ADK: variants seen among roughly 807,000 people sequenced by gnomAD.
ADK encodes adenosine kinase.
In ADK, 24 loss-of-function variants were observed where a neutral mutation model predicts 44.7. That is an observed-to-expected ratio of 0.54 (90% CI 0.39 to 0.76). The LOEUF (loss-of-function observed/expected upper bound fraction) is 0.76, where lower values mean the gene tolerates loss of function less well. ADK is among the 30% of genes least tolerant of loss of function. ADK has a pLI of 0.00. For missense variants in ADK, 321 were observed against 425.1 expected (o/e 0.76, Z 2.15); for synonymous variants, 128 against 142.6 (o/e 0.90, Z 0.73).
intron 4 of ADK, among the ~76,000 whole-genome samples, chr10:74,391,312 A>G (rs1843319833): frequency 6.6e-6 from 1 of 152,108 alleles, no homozygotes. Flanking sequence ...AATTAAAATT[A>G]AATTTTATTA....
At chr10:74,706,328 T>C (rs1323482770) in intron 10 of ADK, among the ~76,000 whole-genome samples, 1 of 152,218 alleles carries the variant, frequency 6.6e-6, no homozygotes, top group Non-Finnish European at 1.5e-5. Context: ...TTTTACCTCT[T>C]ACTAAGTGAT....
intron 6 of ADK, among the ~76,000 whole-genome samples, chr10:74,440,954 C>G (rs1845385676): frequency 6.6e-6 from 1 of 152,082 alleles, no homozygotes; most frequent in Admixed American, 6.6e-5. Flanking sequence ...AGTGAACTAC[C>G]CATCTTCTAG....
intron 7 of ADK, 126 bp from the exon 8 acceptor site, chr10:74,589,156 A>G (rs2133920835): frequency 3.7e-6 from 3 of 801,062 alleles, no homozygotes; most frequent in East Asian, 5.3e-5. Context: ...AAGAATAAAA[A>G]TTGAACTATG....
chr10:74,359,025 C>T (rs1443861359), intron 4 of ADK, among the ~76,000 whole-genome samples: 2 of 152,014 alleles, frequency 1.3e-5, no homozygotes, highest in African/African-American at 2.4e-5. Flanking sequence ...AACCTTGACT[C>T]CTGGCTTCAA....
chr10:74,675,442 G>A (rs1855353613), intron 10 of ADK, among the ~76,000 whole-genome samples: 1 of 152,140 alleles, frequency 6.6e-6, no homozygotes, highest in South Asian at 2.1e-4. Flanking sequence ...GTTCTATTTG[G>A]AGGTCTTAAG....
At chr10:74,472,755 T>G (rs9664464) in intron 6 of ADK, among the ~76,000 whole-genome samples, 92,141 of 151,594 alleles carry the variant, frequency 0.61, 30,343 homozygotes, top group Middle Eastern at 0.77. Context: ...TATTGGATAG[T>G]GAAAAGGAAC....
At chr10:74,629,400 A>G (rs778249246) in intron 9 of ADK, among the ~76,000 whole-genome samples, 1 of 152,180 alleles carries the variant, frequency 6.6e-6, no homozygotes, top group Non-Finnish European at 1.5e-5. Context: ...TTAACTATCA[A>G]GACCCAAGAA....
intron 1 of ADK, among the ~76,000 whole-genome samples, chr10:74,186,217 T>TTCCC (rs1564579520): frequency 3.6e-5 from 2 of 54,924 alleles, no homozygotes; most frequent in Non-Finnish European, 5.1e-5. Flanking sequence ...CTTCCCTTCC[T>TTCCC]TTCCCTTCCC....
At chr10:74,528,044 G>A in intron 7 of ADK, 2 of 939,068 alleles carry the variant, frequency 2.1e-6, no homozygotes, top group Non-Finnish European at 3.5e-6. Flanking sequence ...AAAACCCAGA[G>A]TAAACTCTTA....
intron 3 of ADK, among the ~76,000 whole-genome samples, chr10:74,299,481 C>T (rs1163876526): frequency 1.5e-5 from 2 of 131,274 alleles, no homozygotes; most frequent in East Asian, 4.2e-4. Context: ...GCCTGGGTGA[C>T]ACAGCAAGAC....
intron 2 of ADK, among the ~76,000 whole-genome samples, chr10:74,214,598 T>G (rs1215442951): frequency 2.0e-5 from 3 of 152,254 alleles, no homozygotes; most frequent in Non-Finnish European, 2.9e-5. Context: ...ATTTCAGAAC[T>G]TCACAGTCTG....
At chr10:74,195,032 T>C (rs1218333434) in intron 1 of ADK, among the ~76,000 whole-genome samples, 1 of 152,118 alleles carries the variant, frequency 6.6e-6, no homozygotes, top group Non-Finnish European at 1.5e-5. Flanking sequence ...TGTAGGTTTA[T>C]GTTGGCTGCA....
intron 4 of ADK, among the ~76,000 whole-genome samples, chr10:74,379,691 A>G (rs950194171): frequency 1.2e-4 from 19 of 152,088 alleles, no homozygotes; most frequent in Admixed American, 1.3e-4. Flanking sequence ...TCTTTACCCA[A>G]TCAGCTCATT....
At position 74,368,364 on chromosome 10, in the gene ADK, C is replaced by A. The variant is rs1019638861; in HGVS notation, c.274-25777C>A. Among the ~76,000 whole-genome samples, 3 of 151,770 alleles carry A rather than the reference C, an allele frequency of 2.0e-5. No individual in the cohort carries two copies. The South Asian group carries it at 6.2e-4, about 32-fold the overall frequency. On this transcript the variant is annotated intron_variant, in intron 4 of 10. Coordinates refer to ENST00000539909, the MANE Select transcript of ADK (RefSeq NM_006721.4). The stretch of plus-strand genomic sequence containing the variant: ...GCTCAAACAATCCTCCCATCTTGGC[C>A]CCACAAAGTACTGAGATTAGAGATG...
intron 8 of ADK, among the ~76,000 whole-genome samples, chr10:74,593,250 A>G (rs1032735551): frequency 4.6e-5 from 7 of 152,212 alleles, no homozygotes; most frequent in African/African-American, 1.7e-4. Context: ...AGAACAGTTC[A>G]GTTAAGGGAA....
chr10:74,504,005 T>C (rs576905396), intron 6 of ADK, among the ~76,000 whole-genome samples: 22 of 152,126 alleles, frequency 1.4e-4, no homozygotes, highest in Non-Finnish European at 2.9e-4. Context: ...ATTTTCCAAG[T>C]ACTCTGAACC....
At chr10:74,348,287 C>T (rs1043148962) in intron 4 of ADK, among the ~76,000 whole-genome samples, 2 of 152,124 alleles carry the variant, frequency 1.3e-5, no homozygotes, top group African/African-American at 4.8e-5. Flanking sequence ...GATACTCAGG[C>T]AAACAGGGTC....
intron 6 of ADK, among the ~76,000 whole-genome samples, chr10:74,410,632 G>A (rs1390447481): frequency 2.0e-5 from 3 of 152,122 alleles, no homozygotes; most frequent in Non-Finnish European, 4.4e-5. Context: ...GGTGAGCCAA[G>A]ATCGCGCCAC....
intron 6 of ADK, among the ~76,000 whole-genome samples, chr10:74,401,459 C>T (rs1286914921): frequency 1.3e-5 from 2 of 152,082 alleles, no homozygotes; most frequent in African/African-American, 4.8e-5. Context: ...ATAGTTAGCT[C>T]TTCTTGTTGC....
Sources: gnomAD v4.1 joint callset for allele counts (sites outside exome capture counted in the v4.1 genomes callset) on GRCh38, gnomAD v4.1.1 for gene constraint, MANE v1.5 for transcripts, NCBI Gene and HGNC (gene_info 2026-07-23, HGNC 2026-07-21) for gene names.